The following SIRPA variants were observed in gnomAD, a reference collection of about 807,000 sequenced individuals.
SIRPA encodes tyrosine-protein phosphatase non-receptor type substrate 1.
SIRPA carries 9 observed loss-of-function variants against 50.3 expected under a neutral mutation model. That is an observed-to-expected ratio of 0.18 (90% CI 0.11 to 0.31). SIRPA has a LOEUF of 0.31. Ranked by LOEUF, SIRPA falls within the 10% of genes least tolerant of loss-of-function variation. The probability of loss-of-function intolerance (pLI) is 1.00; values close to 1 mark genes in which losing one functional copy is unlikely to be tolerated. For synonymous variants in SIRPA, 265 were observed against 284.1 expected (o/e 0.93, Z 0.68); for missense variants, 474 against 661.6 (o/e 0.72, Z 3.11).
chr20:1,930,369 T>G (rs1986232323), intron 6 of SIRPA, among the ~76,000 whole-genome samples: 1 of 152,200 alleles, frequency 6.6e-6, no homozygotes, highest in African/African-American at 2.4e-5. Context: ...TGCAAATAGC[T>G]GCTAAACTTG....
In SIRPA at chr20:1,936,998, G is replaced by A. The variant is rs572932201; in HGVS notation, c.1267-322G>A. 6.6e-5 allele frequency among the ~76,000 whole-genome samples: 10 copies of A among 152,284 alleles called. No homozygotes were observed. The highest frequency in any genetic ancestry group is 1.9e-4 in the African/African-American group (8 of 41,564). Reference sequence around the variant, plus strand: ...AGACACCCTCGAGGGATGAACATGAGAAATGGGTGAAGACTGCAGGTGGTT... The same window carrying A: ...AGACACCCTCGAGGGATGAACATGAAAAATGGGTGAAGACTGCAGGTGGTT... On this transcript the variant is annotated intron_variant, in intron 7 of 7. Transcript: ENST00000358771. The surrounding 1 kb of genome is among the most constrained non-coding windows in gnomAD (Gnocchi z 4.2).
Position 1,928,441 on chromosome 20 carries a change from T to G in SIRPA, c.1226+542T>G, listed in dbSNP as rs1986120704. Among the ~76,000 whole-genome samples the G allele has an allele frequency of 6.6e-6, 1 of 152,178 alleles. No individual in the cohort carries two copies. Among genetic ancestry groups the G allele is most frequent in the Non-Finnish European group, 1.5e-5 (1 of 68,040 alleles). ...TTAGTTTGTTGATTCACATTTTTAG[T>G]GACTTGAGTCCCTACTATGTGCCAG... On this transcript the variant is annotated intron_variant, in intron 6 of 7. Coordinates refer to ENST00000358771, the MANE Select transcript of SIRPA (RefSeq NM_001040023.2). This position sits in a 1 kb window ranked among gnomAD's most constrained non-coding sequence, Gnocchi z 4.9.
rs1312171520 is a variant in SIRPA at position 1,937,864 on chromosome 20, G to A, written c.*296G>A. 9.1e-6 allele frequency: 4 copies of A among 440,088 alleles called. No homozygotes were observed. Among genetic ancestry groups the A allele is most frequent in the African/African-American group, 5.9e-5 (3 of 51,272 alleles). 27.3% of individuals were successfully genotyped at this position (440,088 alleles called of 1,614,324 possible). ...CTGCCTGGGGTCCAAGAACTCTTGTGCCTCCGTCCATCACCATGTGGGTTT... is the reference window on the plus strand; with the variant it reads ...CTGCCTGGGGTCCAAGAACTCTTGTACCTCCGTCCATCACCATGTGGGTTT... On this transcript the variant is annotated 3_prime_UTR_variant, in exon 8 of 8. Transcript: ENST00000358771. This position sits in a 1 kb window ranked among gnomAD's most constrained non-coding sequence, Gnocchi z 8.3.
rs1460360079 is a variant in SIRPA at position 1,928,293 on chromosome 20, G to C, written c.1226+394G>C. On this transcript the variant is annotated intron_variant, in intron 6 of 7. Transcript: ENST00000358771. This position sits in a 1 kb window ranked among gnomAD's most constrained non-coding sequence, Gnocchi z 4.9. ...TAGTAAATATTTATTGAGTACCTTG[G>C]CGTGCTGTGACCCTGGAATGCCGGG... Among the ~76,000 whole-genome samples the C allele has an allele frequency of 6.6e-6, 1 of 152,100 alleles. No homozygotes were observed. Among genetic ancestry groups the C allele is most frequent in the Non-Finnish European group, 1.5e-5 (1 of 68,034 alleles).
chr20:1,902,569 G>A (rs943155151), intron 1 of SIRPA, among the ~76,000 whole-genome samples: 7 of 152,276 alleles, frequency 4.6e-5, no homozygotes, highest in East Asian at 1.9e-4. Context: ...ACCTGCTCTC[G>A]TGCAGCAGAC....
At chr20:1,910,788 C>G (rs1055255671) in intron 1 of SIRPA, among the ~76,000 whole-genome samples, 1 of 152,142 alleles carries the variant, frequency 6.6e-6, no homozygotes, top group African/African-American at 2.4e-5. Flanking sequence ...AGAGAAAAAC[C>G]TCATGAGGTT....
rs764882188 is a variant in SIRPA, at chr20:1,937,501, A to C, written c.1448A>C (p.Lys483Thr). 1.2e-6 allele frequency: 2 copies of C among 1,614,060 alleles called. No individual in the cohort carries two copies. The highest frequency in any genetic ancestry group is 2.7e-5 in the African/African-American group (2 of 74,988). Residue 483 changes from lysine (K) to threonine (T), a missense_variant, in exon 8 of 8, where the codon AAG becomes ACG. Around this residue, in one of 4 missense-constraint regions of SIRPA, gnomAD observed 180 missense variants for 206.7 expected, o/e 0.87. Coordinates refer to ENST00000358771, the MANE Select transcript of SIRPA (RefSeq NM_001040023.2). The surrounding 1 kb of genome is among the most constrained non-coding windows in gnomAD (Gnocchi z 8.3). The part of the protein sequence containing the change: ...LDMVHLNRTP[K>T]QPAPKPEPSF... ...ATGGTCCACCTCAACCGGACCCCCA[A>C]GCAGCCGGCCCCCAAGCCTGAGCCG...
At chr20:1,923,807 C>G (rs2122123130) in intron 4 of SIRPA, among the ~76,000 whole-genome samples, 1 of 152,358 alleles carries the variant, frequency 6.6e-6, no homozygotes, top group East Asian at 1.9e-4. Context: ...TGGGCCTCCA[C>G]TTGCTTCTGG....
At chr20:1,901,417 C>T (rs1338148452) in intron 1 of SIRPA, among the ~76,000 whole-genome samples, 3 of 152,000 alleles carry the variant, frequency 2.0e-5, no homozygotes, top group East Asian at 1.9e-4. Flanking sequence ...GTGATCCTCC[C>T]GCCTCGGCCT....
chr20:1,924,929 G>C lies in SIRPA; in HGVS notation c.1201+52G>C. On this transcript the variant is annotated intron_variant, in intron 5 of 7. Coordinates refer to ENST00000358771, the MANE Select transcript of SIRPA (RefSeq NM_001040023.2). This position sits in a 1 kb window ranked among gnomAD's most constrained non-coding sequence, Gnocchi z 4.5. ...AAGGGTTTGTCCCTGGACTGTCCTC[G>C]GAGGGAGACGCCATTAGGTGCTTTG... The C allele has an allele frequency of 7.0e-7, 1 of 1,419,460 alleles. No individual in the cohort carries two copies. Among genetic ancestry groups the C allele is most frequent in the Non-Finnish European group, 9.9e-7 (1 of 1,005,536 alleles). 87.9% of individuals were successfully genotyped at this position (1,419,460 alleles called of 1,614,324 possible).
Position 1,936,571 on chromosome 20 carries a change from A to G in SIRPA, c.1267-749A>G, listed in dbSNP as rs1986586873. Among the ~76,000 whole-genome samples the G allele has an allele frequency of 6.6e-6, 1 of 152,164 alleles. No homozygotes were observed. Among genetic ancestry groups the G allele is most frequent in the Non-Finnish European group, 1.5e-5 (1 of 68,044 alleles). On this transcript the variant is annotated intron_variant, in intron 7 of 7. Transcript: ENST00000358771. The surrounding 1 kb of genome is among the most constrained non-coding windows in gnomAD (Gnocchi z 4.2). Reference sequence around the variant, plus strand: ...CACTAACTGGCGATCTCGTTCTTATACTGCCCCTGTTCTCTGTCTCCCTGT... The same window carrying G: ...CACTAACTGGCGATCTCGTTCTTATGCTGCCCCTGTTCTCTGTCTCCCTGT...
At chr20:1,926,086 G>A (rs1189530248) in intron 5 of SIRPA, among the ~76,000 whole-genome samples, 3 of 152,156 alleles carry the variant, frequency 2.0e-5, no homozygotes, top group Admixed American at 6.5e-5. Flanking sequence ...CACTAATCAC[G>A]CATCCCTTCA....
Position 1,934,645 on chromosome 20 carries a change from T to C in SIRPA, c.1227-70T>C, listed in dbSNP as rs1200290219. On this transcript the variant is annotated intron_variant, in intron 6 of 7. Coordinates refer to ENST00000358771, the MANE Select transcript of SIRPA (RefSeq NM_001040023.2). The surrounding 1 kb of genome is among the most constrained non-coding windows in gnomAD (Gnocchi z 4.6). ...TATAGAAAATGGAGCCTAAATGTTA[T>C]TCTTATCAGTTTGCATGAGCACTTG... 2 of 1,482,596 alleles carry C rather than the reference T, an allele frequency of 1.3e-6. No homozygotes were observed. Among genetic ancestry groups the C allele is most frequent in the Non-Finnish European group, 1.9e-6 (2 of 1,061,386 alleles). 91.8% of individuals were successfully genotyped at this position (1,482,596 alleles called of 1,614,324 possible). A position where few individuals can be genotyped will look rare whatever the true frequency, so the allele number is the denominator to read the frequency against.
At chr20:1,919,361 G>A (rs777618694) in intron 2 of SIRPA, among the ~76,000 whole-genome samples, 7 of 152,240 alleles carry the variant, frequency 4.6e-5, no homozygotes, top group African/African-American at 9.6e-5. Context: ...CAGAGGTCAC[G>A]GAGGACAAGT....
rs1986691476 is a variant in SIRPA, at chr20:1,937,980, T to TCGACCA, written c.*413_*414insGACCAC. 6.6e-6 allele frequency: 1 copy of TCGACCA among 152,602 alleles called. No homozygotes were observed. 9.5% of individuals were successfully genotyped at this position (152,602 alleles called of 1,614,324 possible). A position where few individuals can be genotyped will look rare whatever the true frequency, so the allele number is the denominator to read the frequency against. ...CCCACCTCCCCTGACCTCCACCACC[T>TCGACCA]CCACCACCACCACCACCACCACCAC... On this transcript the variant is annotated 3_prime_UTR_variant, in exon 8 of 8. Transcript: ENST00000358771. The surrounding 1 kb of genome is among the most constrained non-coding windows in gnomAD (Gnocchi z 8.3).
Position 1,928,717 on chromosome 20 carries a change from G to A in SIRPA, c.1226+818G>A, listed in dbSNP as rs757203513. Among the ~76,000 whole-genome samples the A allele has an allele frequency of 5.3e-5, 8 of 152,124 alleles. No homozygotes were observed. Among genetic ancestry groups the A allele is most frequent in the Non-Finnish European group, 1.0e-4 (7 of 68,012 alleles). ...GTGCCTGAAACTAGTGAGCTATGTT[G>A]GACAGGAGCATGCTGGGCCAGAGAG... On this transcript the variant is annotated intron_variant, in intron 6 of 7. Transcript: ENST00000358771. This position sits in a 1 kb window ranked among gnomAD's most constrained non-coding sequence, Gnocchi z 4.9.
At chr20:1,931,135 A>T (rs1295252793) in intron 6 of SIRPA, among the ~76,000 whole-genome samples, 1 of 152,184 alleles carries the variant, frequency 6.6e-6, no homozygotes, top group Non-Finnish European at 1.5e-5. Flanking sequence ...TGAGTGTGCT[A>T]CAGAATCCCC....
chr20:1,910,165 C>T (rs975169233), intron 1 of SIRPA, among the ~76,000 whole-genome samples: 1 of 152,128 alleles, frequency 6.6e-6, no homozygotes, highest in Non-Finnish European at 1.5e-5. Flanking sequence ...CTCCATGAGG[C>T]CAGGGACACA....
At chr20:1,918,463 C>T (rs546901606) in intron 2 of SIRPA, among the ~76,000 whole-genome samples, 6 of 151,140 alleles carry the variant, frequency 4.0e-5, no homozygotes, top group East Asian at 3.9e-4. Flanking sequence ...CCCCCCACCT[C>T]GGCCTCCCAA....
Sources: allele counts gnomAD v4.1 joint callset (sites outside exome capture counted in the v4.1 genomes callset), GRCh38; gene constraint gnomAD v4.1.1; regional missense constraint gnomAD v4.1.1; non-coding constraint Gnocchi (gnomAD v3.1); transcripts MANE v1.5; gene names NCBI Gene and HGNC (gene_info 2026-07-23, HGNC 2026-07-21).